HIP1: variants seen among roughly 807,000 people sequenced by gnomAD.
HIP1 encodes huntingtin-interacting protein 1.
In HIP1, 65 loss-of-function variants were observed where a neutral mutation model predicts 147.6. That is an observed-to-expected ratio of 0.44 (90% CI 0.36 to 0.54). HIP1 has a LOEUF of 0.54. Ranked by LOEUF, HIP1 falls within the 20% of genes least tolerant of loss-of-function variation. The pLI is 0.00. For missense variants in HIP1, 1,061 were observed against 1,299.6 expected (o/e 0.82, Z 2.82); for synonymous variants, 479 against 504.0 (o/e 0.95, Z 0.67).
chr7:75,557,607 T>C, intron 16 of HIP1, 47 bp downstream of exon 16: 1 of 1,406,814 alleles, frequency 7.1e-7, no homozygotes, highest in South Asian at 1.2e-5. Context: ...CGCCACCAAC[T>C]CAACAGCCCC....
intron 1 of HIP1, among the ~76,000 whole-genome samples, chr7:75,603,070 G>A (rs781801632): frequency 6.7e-6 from 1 of 148,400 alleles, no homozygotes; most frequent in Non-Finnish European, 1.5e-5. Flanking sequence ...TTCCCGGCCG[G>A]GCGCAGTGAC....
chr7:75,551,267 G>A (rs1014060060), intron 22 of HIP1, among the ~76,000 whole-genome samples: 2 of 131,206 alleles, frequency 1.5e-5, no homozygotes, highest in African/African-American at 5.7e-5. Flanking sequence ...GTGCAATCTC[G>A]GCTCACTGCA....
In HIP1 at chr7:75,553,481, C is replaced by T; in HGVS notation, c.2267G>A (p.Cys756Tyr). Residue 756 changes from cysteine (C) to tyrosine (Y), a missense_variant, in exon 22 of 31, where the codon TGC (cysteine) becomes TAC (tyrosine). Physicochemically the swap from Cys to Tyr is radical, Grantham distance 194 (BLOSUM62 -2). Coordinates refer to ENST00000336926, the MANE Select transcript of HIP1 (RefSeq NM_005338.7). ...GCCGATGGCCTTGATCTTGCTCAGG[C>T]AGTTCCTCATGGCTGTGCTGTCGGC... ...ENADSTAMRN[C>Y]LSKIKAIGEE... 1.2e-6 allele frequency: 2 copies of T among 1,614,168 alleles called. No individual in the cohort carries two copies. Among genetic ancestry groups the T allele is most frequent in the Non-Finnish European group, 1.7e-6 (2 of 1,180,030 alleles).
intron 1 of HIP1, among the ~76,000 whole-genome samples, chr7:75,675,777 A>T (rs1431744873): frequency 1.3e-5 from 2 of 152,112 alleles, no homozygotes; most frequent in African/African-American, 4.8e-5. Flanking sequence ...CCAGGAGTTC[A>T]AGACCAGCCT....
intron 1 of HIP1, among the ~76,000 whole-genome samples, chr7:75,614,641 CAT>C (rs1797572856): frequency 1.3e-5 from 2 of 152,062 alleles, no homozygotes; most frequent in Non-Finnish European, 2.9e-5. Context: ...ATTAAACAGT[CAT>C]GTCGGTTGCA....
At chr7:75,691,985 A>G (rs1554518195) in intron 1 of HIP1, among the ~76,000 whole-genome samples, 1 of 152,100 alleles carries the variant, frequency 6.6e-6, no homozygotes, top group African/African-American at 2.4e-5. Context: ...GGGCTGTACA[A>G]CACTGTGGAA....
intron 1 of HIP1, among the ~76,000 whole-genome samples, chr7:75,703,908 T>C (rs547541163): frequency 6.6e-6 from 1 of 152,158 alleles, no homozygotes; most frequent in Admixed American, 6.6e-5. Flanking sequence ...GGAACTGAGC[T>C]CCTGGCCAGA....
At position 75,562,101 on chromosome 7, in the gene HIP1, T is replaced by G. The variant is rs781847591; in HGVS notation, c.1090A>C (p.Ser364Arg). 1.9e-6 allele frequency: 3 copies of G among 1,612,602 alleles called. No individual in the cohort carries two copies. The highest frequency in any genetic ancestry group is 2.2e-5 in the South Asian group (2 of 91,050). Residue 364 changes from serine to arginine, a missense_variant, in exon 12 of 31, where the codon AGT becomes CGT. Physicochemically the swap from Ser to Arg is moderately radical, Grantham distance 110. This residue lies in a region of HIP1 where 810 missense variants were observed against 946.8 expected (regional missense o/e 0.86). Transcript: ENST00000336926. ...TCATCCTTGTTCACACCATTTTGAC[T>G]GTTGAAATTGAAGGGATCACTGCTG... is the stretch of plus-strand genomic sequence containing the variant. ...SFSSDPFNFN[S>R]QNGVNKDEKD... is the part of the protein sequence containing the mutation.
intron 1 of HIP1, among the ~76,000 whole-genome samples, chr7:75,702,116 CT>C (rs782732097): frequency 1.0e-3 from 141 of 136,010 alleles, no homozygotes; most frequent in Non-Finnish European, 1.1e-3. Context: ...TTTTTTCTTT[CT>C]TTTTTTTTTT....
intron 1 of HIP1, among the ~76,000 whole-genome samples, chr7:75,642,527 T>A (rs1378861266): frequency 3.3e-5 from 5 of 152,166 alleles, no homozygotes; most frequent in Admixed American, 2.6e-4. Context: ...AGAGTGAGAC[T>A]CTGTCTCAAA....
intron 1 of HIP1, among the ~76,000 whole-genome samples, chr7:75,600,260 A>C (rs1233174377): frequency 2.0e-5 from 3 of 151,610 alleles, no homozygotes; most frequent in African/African-American, 7.3e-5. Flanking sequence ...ACAGGTGTGC[A>C]CTACCATGCC....
At chr7:75,710,642 A>G (rs1465026325) in intron 1 of HIP1, among the ~76,000 whole-genome samples, 1 of 152,142 alleles carries the variant, frequency 6.6e-6, no homozygotes, top group Non-Finnish European at 1.5e-5. Flanking sequence ...AGGCCCAGCT[A>G]CTTGGGAGGC....
At chr7:75,570,233 TA>T (rs1554496322) in intron 8 of HIP1, among the ~76,000 whole-genome samples, 1 of 144,560 alleles carries the variant, frequency 6.9e-6, no homozygotes, top group Non-Finnish European at 1.5e-5. Context: ...TGCCCTGCCT[TA>T]AGTACGAACT....
In HIP1 at chr7:75,568,293, G is replaced by C; in HGVS notation, c.746-37C>G. 1.4e-6 allele frequency: 2 copies of C among 1,444,710 alleles called. No homozygotes were observed. Among genetic ancestry groups the C allele is most frequent in the Non-Finnish European group, 2.0e-6 (2 of 1,025,548 alleles). The allele number at this position is 1,444,710 out of a possible 1,614,324, so 89.5% of individuals were successfully genotyped here. ...TGGAAAGAGTGTGAGAGGGGAGGGG[G>C]ACCAGAGGGCAGGGAAGCCACAGCG... On this transcript the variant is annotated intron_variant, in intron 8 of 30. Transcript: ENST00000336926. The surrounding 1 kb of genome is among the most constrained non-coding windows in gnomAD (Gnocchi z 4.1).
intron 1 of HIP1, among the ~76,000 whole-genome samples, chr7:75,617,074 T>A (rs1477467506): frequency 4.0e-5 from 2 of 49,646 alleles, no homozygotes; most frequent in African/African-American, 9.0e-5. Flanking sequence ...ACCCAGCTAA[T>A]TTTTTTTTTT....
At chr7:75,553,988 G>A in intron 21 of HIP1, 125 bp downstream of exon 21, 1 of 660,718 alleles carries the variant, frequency 1.5e-6, no homozygotes, top group Non-Finnish European at 2.6e-6. Flanking sequence ...CAAGTGATCT[G>A]CCCGCCTCAG....
intron 16 of HIP1, among the ~76,000 whole-genome samples, chr7:75,557,356 A>ACC: frequency 6.6e-6 from 1 of 151,648 alleles, no homozygotes; most frequent in African/African-American, 2.4e-5. Flanking sequence ...ACAAACAAAA[A>ACC]AAAACGCTCA....
chr7:75,604,212 A>G (rs1162009714), intron 1 of HIP1, among the ~76,000 whole-genome samples: 2 of 152,226 alleles, frequency 1.3e-5, no homozygotes, highest in Non-Finnish European at 2.9e-5. Context: ...GAGCCCATCA[A>G]GGTTGTCTGC....
At chr7:75,738,764 G>A (rs782396108) in intron 1 of HIP1, 37 bp downstream of exon 1, 7 of 1,588,796 alleles carry the variant, frequency 4.4e-6, no homozygotes, top group Non-Finnish European at 6.0e-6. Flanking sequence ...CGTCCCTCAG[G>A]GTGCCCCAGG....
Sources: gnomAD v4.1 joint callset for allele counts (sites outside exome capture counted in the v4.1 genomes callset) on GRCh38, gnomAD v4.1.1 for gene constraint, gnomAD v4.1.1 regional missense constraint, Gnocchi (gnomAD v3.1) non-coding constraint, MANE v1.5 for transcripts, NCBI Gene and HGNC (gene_info 2026-07-23, HGNC 2026-07-21) for gene names.